The following CC2D2A variants were observed in gnomAD, a reference collection of about 807,000 sequenced individuals.
The protein encoded by CC2D2A is coiled-coil and C2 domain containing 2A, also known as coiled-coil and C2 domain-containing protein 2A.
Under a neutral mutation model 212.9 loss-of-function variants are expected in CC2D2A, and 155 were observed. That is an observed-to-expected ratio of 0.73 (90% CI 0.64 to 0.83). The LOEUF is 0.83. Ranked by LOEUF, CC2D2A falls within the 40% of genes least tolerant of loss-of-function variation. The pLI is 0.00. For synonymous variants in CC2D2A, 667 were observed against 686.5 expected (o/e 0.97, Z 0.44); for missense variants, 1,856 against 1,956.2 (o/e 0.95, Z 0.97).
intron 4 of CC2D2A, among the ~76,000 whole-genome samples, chr4:15,482,669 G>GTATA (rs1160742577): frequency 1.3e-5 from 2 of 152,086 alleles, no homozygotes; most frequent in African/African-American, 4.8e-5. Context: ...GGGGGAGAAG[G>GTATA]CTTCAACATA....
At chr4:15,499,395 AC>A (rs1206224119) in intron 4 of CC2D2A, among the ~76,000 whole-genome samples, 1 of 152,172 alleles carries the variant, frequency 6.6e-6, no homozygotes, top group African/African-American at 2.4e-5. Flanking sequence ...CTTCCCCTCA[AC>A]TTTTTTGTGG....
chr4:15,550,734 G>A, intron 17 of CC2D2A, 90 bp from the exon 18 acceptor site: 1 of 972,798 alleles, frequency 1.0e-6, no homozygotes. Flanking sequence ...ACAGTGACCA[G>A]CACAAATACT....
chr4:15,557,091 T>A (rs912994887), intron 20 of CC2D2A, among the ~76,000 whole-genome samples: 1 of 152,356 alleles, frequency 6.6e-6, no homozygotes, highest in Middle Eastern at 3.4e-3. Flanking sequence ...GTGAAACATA[T>A]AATTTTTATT....
chr4:15,490,058 G>A (rs1715212885), intron 4 of CC2D2A, among the ~76,000 whole-genome samples: 2 of 152,070 alleles, frequency 1.3e-5, no homozygotes, highest in African/African-American at 4.8e-5. Context: ...TCTCCAGCGT[G>A]GACTTCTTCC....
chr4:15,586,097 G>T, intron 30 of CC2D2A, 60 bp from the exon 31 acceptor site: 1 of 1,122,942 alleles, frequency 8.9e-7, no homozygotes, highest in South Asian at 1.3e-5. Context: ...AATGAGGTAG[G>T]GGATGCAGCA....
At chr4:15,485,732 A>G (rs1714960633) in intron 4 of CC2D2A, among the ~76,000 whole-genome samples, 1 of 152,056 alleles carries the variant, frequency 6.6e-6, no homozygotes, top group African/African-American at 2.4e-5. Flanking sequence ...GAATTTGAGC[A>G]TTTTTGCGTA....
intron 20 of CC2D2A, among the ~76,000 whole-genome samples, chr4:15,555,642 G>T (rs538363185): frequency 6.6e-6 from 1 of 152,356 alleles, no homozygotes; most frequent in East Asian, 1.9e-4. Flanking sequence ...AGGAGGCTGA[G>T]GTGGGAGGAT....
intron 17 of CC2D2A, among the ~76,000 whole-genome samples, chr4:15,545,568 G>A (rs965276344): frequency 6.6e-6 from 1 of 151,956 alleles, no homozygotes; most frequent in African/African-American, 2.4e-5. Flanking sequence ...TTGATTTCTT[G>A]CATGTTTGTA....
At chr4:15,578,901 C>G (rs1225157888) in intron 29 of CC2D2A, among the ~76,000 whole-genome samples, 2 of 152,038 alleles carry the variant, frequency 1.3e-5, no homozygotes, top group African/African-American at 4.8e-5. Context: ...CTCAGCCTCT[C>G]AAAGTGCTGG....
In CC2D2A at chr4:15,599,635, G is replaced by GA. The variant is rs1259255310; in HGVS notation, c.4609dup (p.Ser1537LysfsTer9). 6.2e-7 allele frequency: 1 copy of GA among 1,613,568 alleles called. No homozygotes were observed. The highest frequency in any genetic ancestry group is 1.1e-5 in the South Asian group (1 of 91,060). On this transcript the variant is annotated frameshift_variant, in exon 36 of 37. Transcript: ENST00000424120. LOFTEE classifies it high-confidence loss of function. ...TCTGCGTCACTTCTTGCCTCTGTTAGAAAAAAGTCAAGGAGAAGATGTAGA... is the reference window on the plus strand; with the variant it reads ...TCTGCGTCACTTCTTGCCTCTGTTAGAAAAAAAGTCAAGGAGAAGATGTAGA...
intron 10 of CC2D2A, 74 bp downstream of exon 10, chr4:15,516,078 G>C (rs1391406977): frequency 4.3e-6 from 6 of 1,398,250 alleles, no homozygotes; most frequent in Non-Finnish European, 5.7e-6. Flanking sequence ...TAACAGGGCA[G>C]TCATTGCATC....
chr4:15,514,631 GTT>G (rs1281255069), intron 8 of CC2D2A, 74 bp from the exon 9 acceptor site: 4 of 1,144,590 alleles, frequency 3.5e-6, no homozygotes, highest in Non-Finnish European at 3.6e-6. Flanking sequence ...AGTTTCATGA[GTT>G]TGGTATTGTG....
rs144571674 is a variant in CC2D2A, at chr4:15,505,873, G to C, written c.438+2950G>C. 2.2e-3 allele frequency among the ~76,000 whole-genome samples: 329 copies of C among 152,280 alleles called. 2 individuals are homozygous for C. The highest frequency in any genetic ancestry group is 7.6e-3 in the African/African-American group (316 of 41,564). ...TCAAGCATATATAAAAATTTGAGGG[G>C]TCTACAAGACAATCAGATTAGGGTG... On this transcript the variant is annotated intron_variant, in intron 6 of 36. Coordinates refer to ENST00000424120, the MANE Select transcript of CC2D2A (RefSeq NM_001378615.1).
chr4:15,479,510 T>A (rs1714484350), intron 3 of CC2D2A, among the ~76,000 whole-genome samples: 1 of 151,386 alleles, frequency 6.6e-6, no homozygotes, highest in Non-Finnish European at 1.5e-5. Context: ...GATGAAGAGG[T>A]CATAGGGAGA....
Position 15,601,302 on chromosome 4 carries a change from T to C in CC2D2A, c.4740T>C (p.Ser1580=), listed in dbSNP as rs759221177. 1.9e-6 allele frequency: 3 copies of C among 1,612,430 alleles called. No individual in the cohort carries two copies. In the South Asian group the frequency reaches 3.3e-5, roughly 18 times the overall value. Residue 1580 remains serine (S), a synonymous_variant, in exon 37 of 37, where the codon AGT becomes AGC. Transcript: ENST00000424120. ...AGCCTTTAATTGACGCTGTGTATAG[T>C]ACTGGAGTACATAATATTGATGTTC... ...EVKPLIDAVY[S]TGVHNIDVPN...
chr4:15,570,170 T>C (rs1404999885), intron 27 of CC2D2A, among the ~76,000 whole-genome samples: 1 of 152,224 alleles, frequency 6.6e-6, no homozygotes, highest in Non-Finnish European at 1.5e-5. Flanking sequence ...AATAATCCTA[T>C]AGATTGTTAA....
intron 4 of CC2D2A, among the ~76,000 whole-genome samples, chr4:15,490,736 G>C (rs745385409): frequency 1.3e-5 from 2 of 152,014 alleles, no homozygotes; most frequent in Admixed American, 6.6e-5. Context: ...GAAAGAAAAA[G>C]TAAAAACTAA....
chr4:15,589,705 T>C (rs768581162), intron 33 of CC2D2A, 26 bp downstream of exon 33: 69 of 1,434,252 alleles, frequency 4.8e-5, no homozygotes, highest in Non-Finnish European at 5.9e-5. Context: ...TCTTCTTAAA[T>C]ATGGTTAGCT....
rs552940381 is a variant in CC2D2A, at chr4:15,546,346, AAAC to A, written c.2182-4474_2182-4472del. ...TCCTACATTCATCTTCTCAACACCA[AAAC>A]AACTAACAACAGTGGTATAATATTG... On this transcript the variant is annotated intron_variant, in intron 17 of 36. Transcript: ENST00000424120. Among the ~76,000 whole-genome samples, 347 of 152,332 alleles carry A rather than the reference AAAC, an allele frequency of 2.3e-3. 3 individuals carry two copies. Among genetic ancestry groups the A allele is most frequent in the African/African-American group, 8.1e-3 (336 of 41,578 alleles).
Sources: gnomAD v4.1 joint callset for allele counts (sites outside exome capture counted in the v4.1 genomes callset) on GRCh38, gnomAD v4.1.1 for gene constraint, MANE v1.5 for transcripts, NCBI Gene and HGNC (gene_info 2026-07-23, HGNC 2026-07-21) for gene names.